The following USP25 variants were observed in gnomAD, a reference collection of about 807,000 sequenced individuals.
USP25 encodes ubiquitin specific peptidase 25.
In USP25, 85 loss-of-function variants were observed where a neutral mutation model predicts 158.5. That is an observed-to-expected ratio of 0.54 (90% CI 0.45 to 0.64). The LOEUF (loss-of-function observed/expected upper bound fraction) is 0.64, where lower values mean the gene tolerates loss of function less well. Among genes scored for constraint, USP25 ranks in the 30% least tolerant of loss-of-function variants. The probability of loss-of-function intolerance (pLI) is 0.00; values close to 1 mark genes in which losing one functional copy is unlikely to be tolerated. For synonymous variants in USP25, 464 were observed against 460.4 expected (o/e 1.01, Z -0.10); for missense variants, 1,242 against 1,327.3 (o/e 0.94, Z 1.00).
intron 1 of USP25, among the ~76,000 whole-genome samples, chr21:15,745,923 C>T (rs943695320): frequency 3.9e-5 from 6 of 152,210 alleles, no homozygotes; most frequent in Admixed American, 1.3e-4. Flanking sequence ...TCATTTATTG[C>T]ATGTGGAATC....
chr21:15,797,971 A>G (rs1339900305), intron 5 of USP25, among the ~76,000 whole-genome samples: 1 of 151,284 alleles, frequency 6.6e-6, no homozygotes, highest in Non-Finnish European at 1.5e-5. Context: ...CATTATAGGC[A>G]TGCAAGGAAA....
At chr21:15,872,029 T>TG (rs906553575) in intron 23 of USP25, among the ~76,000 whole-genome samples, 5 of 147,634 alleles carry the variant, frequency 3.4e-5, no homozygotes, top group Admixed American at 6.7e-5. Flanking sequence ...TTTTTTTTTT[T>TG]TTTTTTTTTT....
At chr21:15,842,659 T>C in intron 18 of USP25, 119 bp downstream of exon 18, 2 of 1,306,008 alleles carry the variant, frequency 1.5e-6, no homozygotes, top group Non-Finnish European at 1.0e-6. Flanking sequence ...GGCTCTGCCA[T>C]GGGCATGATC....
rs2274797 is a variant in USP25, at chr21:15,842,521, C to T, written c.2318C>T (p.Pro773Leu). The change falls in exon 18 of 26, where the codon CCT becomes CTT. Residue 773 changes from proline (P) to leucine (L), a missense_variant. Transcript: ENST00000400183. ...TCACATGAGCATGAAGATAAAAGTC[C>T]TGAAACAGTTTTGCAGTCGGTAAGA... ...KASHEHEDKS[P>L]ETVLQSKPEN... 29 of 1,613,330 alleles carry T rather than the reference C, an allele frequency of 1.8e-5. 1 individual carries two copies. The East Asian group carries it at 6.5e-4, about 36-fold the overall frequency.
intron 17 of USP25, among the ~76,000 whole-genome samples, chr21:15,839,392 T>C (rs906928549): frequency 2.0e-5 from 3 of 152,214 alleles, no homozygotes; most frequent in Non-Finnish European, 2.9e-5. Flanking sequence ...TGTTCTGCTG[T>C]TGTTCCTAAC....
At chr21:15,778,973 A>G (rs2034809089) in intron 4 of USP25, among the ~76,000 whole-genome samples, 2 of 152,104 alleles carry the variant, frequency 1.3e-5, no homozygotes, top group Admixed American at 1.3e-4. Context: ...TTGGCACAAT[A>G]TCAATAGGAG....
chr21:15,781,225 A>G (rs913835634), intron 4 of USP25, among the ~76,000 whole-genome samples: 6 of 152,188 alleles, frequency 3.9e-5, no homozygotes, highest in African/African-American at 1.4e-4. Context: ...ACACAGGTCA[A>G]CTTTTGGTAG....
chr21:15,815,144 C>G (rs925521940), intron 9 of USP25, among the ~76,000 whole-genome samples: 1 of 152,192 alleles, frequency 6.6e-6, no homozygotes, highest in Non-Finnish European at 1.5e-5. Flanking sequence ...CAAACCTTGG[C>G]ACCTTCCACG....
At chr21:15,849,702 G>T in intron 19 of USP25, 75 bp from the exon 20 acceptor site, 1 of 1,131,130 alleles carries the variant, frequency 8.8e-7, no homozygotes, top group Non-Finnish European at 1.2e-6. Flanking sequence ...GAAAACAAAA[G>T]AGTTTCAGCT....
chr21:15,763,041 G>GTT, intron 2 of USP25, 73 bp downstream of exon 2: 2 of 1,367,820 alleles, frequency 1.5e-6, no homozygotes, highest in Admixed American at 2.5e-5. Context: ...TTTGATAGTT[G>GTT]ATTTTTTTTT....
Position 15,798,513 on chromosome 21 carries a change from A to G in USP25, c.556-1244A>G, listed in dbSNP as rs192899220. Among the ~76,000 whole-genome samples, 13 of 151,262 alleles carry G rather than the reference A, an allele frequency of 8.6e-5. No individual in the cohort carries two copies. In the East Asian group the frequency reaches 2.5e-3, roughly 29 times the overall value. On this transcript the variant is annotated intron_variant, in intron 5 of 25. Transcript: ENST00000400183. ...ATCTTGGCCAACTGTTAATGTATTC[A>G]TATCCCTTCTGGTTTATTACTTCTA...
At chr21:15,730,976 GTTTTT>G (rs748732727) in intron 1 of USP25, among the ~76,000 whole-genome samples, 37 of 53,650 alleles carry the variant, frequency 6.9e-4, no homozygotes, top group African/African-American at 1.7e-3. Context: ...CTTCTTTTCT[GTTTTT>G]TTTTTTTTTT....
chr21:15,754,729 G>C (rs2033262496), intron 1 of USP25, among the ~76,000 whole-genome samples: 1 of 152,142 alleles, frequency 6.6e-6, no homozygotes, highest in South Asian at 2.1e-4. Flanking sequence ...AAGCTGTGAG[G>C]ACTATACTAT....
At chr21:15,760,821 C>T (rs2033679104) in intron 1 of USP25, among the ~76,000 whole-genome samples, 2 of 152,100 alleles carry the variant, frequency 1.3e-5, no homozygotes, top group Admixed American at 6.5e-5. Flanking sequence ...CACTTAAATT[C>T]TTCAGGATAT....
chr21:15,742,966 G>A (rs2032199165), intron 1 of USP25, among the ~76,000 whole-genome samples: 1 of 152,242 alleles, frequency 6.6e-6, no homozygotes, highest in Non-Finnish European at 1.5e-5. Flanking sequence ...GTGGAACCCA[G>A]AAACTCGGAG....
intron 19 of USP25, among the ~76,000 whole-genome samples, chr21:15,848,794 C>T (rs1225463569): frequency 2.6e-5 from 4 of 152,006 alleles, no homozygotes; most frequent in African/African-American, 9.7e-5. Context: ...AGAGAGTTTT[C>T]TCAAGCAGGT....
chr21:15,863,847 C>A (rs1009314302), intron 20 of USP25, among the ~76,000 whole-genome samples: 2 of 151,590 alleles, frequency 1.3e-5, no homozygotes, highest in African/African-American at 4.9e-5. Context: ...CCAGCCTGGC[C>A]AACATAGTGA....
chr21:15,820,888 C>G (rs1296469556), intron 10 of USP25, among the ~76,000 whole-genome samples: 1 of 151,808 alleles, frequency 6.6e-6, no homozygotes, highest in Non-Finnish European at 1.5e-5. Context: ...GCTAAAACAT[C>G]CAATTGGCTA....
chr21:15,865,550 T>C (rs2039618990), intron 21 of USP25, among the ~76,000 whole-genome samples: 1 of 152,208 alleles, frequency 6.6e-6, no homozygotes, highest in Admixed American at 6.5e-5. Flanking sequence ...GTGGACATCA[T>C]TTATTTTGAT....
Sources: allele counts gnomAD v4.1 joint callset (sites outside exome capture counted in the v4.1 genomes callset), GRCh38; gene constraint gnomAD v4.1.1; transcripts MANE v1.5; gene names NCBI Gene and HGNC (gene_info 2026-07-23, HGNC 2026-07-21).